The following XIRP2 variants were observed in gnomAD, a reference collection of about 807,000 sequenced individuals.
XIRP2 encodes xin actin-binding repeat-containing protein 2.
Under a neutral mutation model 277.0 loss-of-function variants are expected in XIRP2, and 236 were observed. That is an observed-to-expected ratio of 0.85 (90% CI 0.77 to 0.95). The LOEUF (loss-of-function observed/expected upper bound fraction) is 0.95, where lower values mean the gene tolerates loss of function less well. Among genes scored for constraint, XIRP2 ranks in the 40% least tolerant of loss-of-function variants. The pLI is 0.00. For missense variants in XIRP2, 4,640 were observed against 4,157.5 expected (o/e 1.12, Z -3.19); for synonymous variants, 1,490 against 1,416.5 (o/e 1.05, Z -1.17).
At chr2:167,190,805 C>T (rs1379352037) in intron 3 of XIRP2, among the ~76,000 whole-genome samples, 1 of 152,084 alleles carries the variant, frequency 6.6e-6, no homozygotes, top group Non-Finnish European at 1.5e-5. Context: ...ACTCTTGGGG[C>T]TTTGTAGCAT....
At chr2:167,052,787 CA>C (rs1688946649) in intron 2 of XIRP2, among the ~76,000 whole-genome samples, 1 of 152,084 alleles carries the variant, frequency 6.6e-6, no homozygotes, top group East Asian at 1.9e-4. Context: ...GCCCAAAAGA[CA>C]AAATCATTGT....
intron 2 of XIRP2, among the ~76,000 whole-genome samples, chr2:167,122,259 T>C (rs1186907095): frequency 1.3e-5 from 2 of 152,316 alleles, no homozygotes; most frequent in East Asian, 3.9e-4. Flanking sequence ...GTTTTAACAT[T>C]GGACCCAACC....
At chr2:166,944,773 A>G (rs1451211473) in intron 2 of XIRP2, among the ~76,000 whole-genome samples, 1 of 152,118 alleles carries the variant, frequency 6.6e-6, no homozygotes, top group East Asian at 1.9e-4. Flanking sequence ...TAAAATCATC[A>G]TTATTCCATT....
At chr2:167,126,015 C>G (rs1558989120) in intron 2 of XIRP2, among the ~76,000 whole-genome samples, 1 of 152,152 alleles carries the variant, frequency 6.6e-6, no homozygotes, top group Non-Finnish European at 1.5e-5. Context: ...GGAGCACCTA[C>G]AAATGATCTC....
chr2:167,083,423 G>A (rs1409190026), intron 2 of XIRP2, among the ~76,000 whole-genome samples: 4 of 152,214 alleles, frequency 2.6e-5, no homozygotes, highest in South Asian at 2.1e-4. Context: ...CCTTGGCGAT[G>A]CGGGCTCTTT....
Position 167,213,726 on chromosome 2 carries a change from A to T in XIRP2, c.723+2831A>T, listed in dbSNP as rs531910787. Among the ~76,000 whole-genome samples the T allele has an allele frequency of 1.4e-4, 21 of 152,180 alleles. No individual in the cohort carries two copies. In the East Asian group the frequency reaches 3.3e-3, roughly 24 times the overall value. Reference sequence around the variant, plus strand: ...GTCCCCACCTGAGCAAGGAAGCATTACTCCCGGTTATGACCACAGACTGCT... The same window carrying T: ...GTCCCCACCTGAGCAAGGAAGCATTTCTCCCGGTTATGACCACAGACTGCT... On this transcript the variant is annotated intron_variant, in intron 4 of 10. Coordinates refer to ENST00000409195, the MANE Select transcript of XIRP2 (RefSeq NM_152381.6).
At chr2:167,107,992 C>CT (rs1269788689) in intron 2 of XIRP2, among the ~76,000 whole-genome samples, 9 of 151,312 alleles carry the variant, frequency 5.9e-5, no homozygotes, top group East Asian at 1.9e-4. Context: ...TTGTATATTT[C>CT]TTTTTTGGAA....
At chr2:167,087,819 C>T (rs1690009820) in intron 2 of XIRP2, among the ~76,000 whole-genome samples, 1 of 151,946 alleles carries the variant, frequency 6.6e-6, no homozygotes, top group African/African-American at 2.4e-5. Flanking sequence ...GTGCGTGCAC[C>T]CACTGACCTG....
Position 167,234,483 on chromosome 2 carries a change from G to A in XIRP2, c.859-5372G>A, listed in dbSNP as rs532767245. On this transcript the variant is annotated intron_variant, in intron 5 of 10. Coordinates refer to ENST00000409195, the MANE Select transcript of XIRP2 (RefSeq NM_152381.6). ...TACTGACAATGCCTAGCCCAATGCC[G>A]TTGAGATAACCAATGTTCAATAACT... 2.8e-4 allele frequency among the ~76,000 whole-genome samples: 43 copies of A among 151,362 alleles called. No individual in the cohort carries two copies. The South Asian group carries it at 3.5e-3, about 12-fold the overall frequency.
At chr2:167,123,851 C>T (rs1221679377) in intron 2 of XIRP2, 2 of 152,080 alleles carry the variant, frequency 1.3e-5, no homozygotes, top group Non-Finnish European at 2.9e-5. Flanking sequence ...TTCTCAGGTA[C>T]TGGGGATTAG....
intron 2 of XIRP2, among the ~76,000 whole-genome samples, chr2:167,010,701 G>A (rs1241625324): frequency 5.3e-5 from 8 of 151,988 alleles, no homozygotes; most frequent in South Asian, 2.1e-4. Flanking sequence ...CCTACCCATG[G>A]CCATGGAATG....
At chr2:167,007,815 A>G (rs1415765393) in intron 2 of XIRP2, among the ~76,000 whole-genome samples, 4 of 151,622 alleles carry the variant, frequency 2.6e-5, no homozygotes, top group African/African-American at 9.7e-5. Context: ...ATTATTATAC[A>G]AAAAAGACAT....
chr2:167,141,706 T>TA (rs1302310878), intron 3 of XIRP2, among the ~76,000 whole-genome samples: 1 of 151,776 alleles, frequency 6.6e-6, no homozygotes, highest in African/African-American at 2.4e-5. Context: ...CTACAAAAAA[T>TA]AAAAAATTAG....
intron 5 of XIRP2, among the ~76,000 whole-genome samples, chr2:167,229,264 G>A (rs1170941717): frequency 6.6e-6 from 1 of 151,972 alleles, no homozygotes; most frequent in Non-Finnish European, 1.5e-5. Context: ...GCTCATATTA[G>A]CTTAACAATA....
chr2:167,242,696 C>T lies in XIRP2; in HGVS notation c.1304C>T (p.Ser435Phe). ...TTRYSDHSVT[S>F]STLAQINATS... ...AGATATAGTGATCACAGTGTCACTT[C>T]CTCAACTCTGGCACAAATTAATGCT... The change falls in exon 9 of 11, where the codon TCC becomes TTC. Residue 435 changes from serine (S) to phenylalanine (F), a missense_variant. Ser to Phe is a radical substitution (Grantham distance 155). Coordinates refer to ENST00000409195, the MANE Select transcript of XIRP2 (RefSeq NM_152381.6). The T allele has an allele frequency of 1.9e-6, 3 of 1,614,086 alleles. No homozygotes were observed. The highest frequency in any genetic ancestry group is 1.1e-5 in the South Asian group (1 of 91,078).
At chr2:167,178,495 A>G (rs924540813) in intron 3 of XIRP2, among the ~76,000 whole-genome samples, 1 of 152,160 alleles carries the variant, frequency 6.6e-6, no homozygotes, top group Admixed American at 6.5e-5. Flanking sequence ...TACCTTTACT[A>G]AACACTATTG....
intron 2 of XIRP2, among the ~76,000 whole-genome samples, chr2:167,053,586 C>T (rs1029052062): frequency 1.3e-5 from 2 of 151,942 alleles, no homozygotes; most frequent in African/African-American, 4.8e-5. Context: ...AAATTCTGTC[C>T]ATAGATATAA....
chr2:167,114,776 C>T (rs1690851373), intron 2 of XIRP2, among the ~76,000 whole-genome samples: 1 of 152,168 alleles, frequency 6.6e-6, no homozygotes, highest in East Asian at 1.9e-4. Context: ...GACATGAACT[C>T]ATCCTTTTTT....
intron 3 of XIRP2, among the ~76,000 whole-genome samples, chr2:167,190,211 C>G (rs1332778808): frequency 6.6e-6 from 1 of 152,268 alleles, no homozygotes; most frequent in East Asian, 1.9e-4. Flanking sequence ...GTTATGGCGG[C>G]TTCATTACAT....
Sources: gnomAD v4.1 joint callset for allele counts (sites outside exome capture counted in the v4.1 genomes callset) on GRCh38, gnomAD v4.1.1 for gene constraint, MANE v1.5 for transcripts, NCBI Gene and HGNC (gene_info 2026-07-23, HGNC 2026-07-21) for gene names.